RNF212: variants seen among roughly 807,000 people sequenced by gnomAD.
RNF212 encodes the protein probable E3 SUMO-protein ligase RNF212.
A neutral mutation model predicts 34.7 loss-of-function variants in RNF212; 33 were observed. The ratio of observed to expected loss-of-function variants is 0.95; its 90% CI spans 0.72 to 1.27. The LOEUF is 1.27. Ranked by LOEUF, RNF212 falls within the 50% of genes most tolerant of loss-of-function variation. RNF212 has a pLI of 0.00. For missense variants in RNF212, 377 were observed against 362.2 expected (o/e 1.04, Z -0.33); for synonymous variants, 140 against 136.1 (o/e 1.03, Z -0.20).
chr4:1,098,079 C>CA (rs1412861530), intron 2 of RNF212, among the ~76,000 whole-genome samples: 1 of 151,984 alleles, frequency 6.6e-6, no homozygotes, highest in Non-Finnish European at 1.5e-5. Context: ...AACAAACAAA[C>CA]AAAAAATCCA....
rs750041377 is a variant in RNF212, at chr4:1,090,848, T to A, written c.247-10A>T. 1 of 1,569,256 alleles carries A rather than the reference T, an allele frequency of 6.4e-7. No individual in the cohort carries two copies. The highest frequency in any genetic ancestry group is 8.8e-7 in the Non-Finnish European group (1 of 1,140,298). ...CTTGAAATTCTAAAATCTGAAAAGA[T>A]CATAGGTTTCAGCTGCTGACACAGA... is the stretch of plus-strand genomic sequence containing the variant. On this transcript the variant is annotated splice_polypyrimidine_tract_variant and intron_variant, in intron 3 of 9. Transcript: ENST00000433731.
At chr4:1,077,624 C>T (rs1050554129) in intron 8 of RNF212, among the ~76,000 whole-genome samples, 1 of 152,242 alleles carries the variant, frequency 6.6e-6, no homozygotes, top group African/African-American at 2.4e-5. Flanking sequence ...AGTTCTTCCT[C>T]CTTAAGCTGT....
intron 2 of RNF212, among the ~76,000 whole-genome samples, chr4:1,102,782 G>A (rs1374220313): frequency 6.6e-6 from 1 of 151,940 alleles, no homozygotes; most frequent in African/African-American, 2.4e-5. Context: ...AACCCGGGAG[G>A]TGGAGCTTGC....
intron 4 of RNF212, among the ~76,000 whole-genome samples, chr4:1,087,685 T>G (rs1475739223): frequency 6.6e-6 from 1 of 150,804 alleles, no homozygotes; most frequent in Non-Finnish European, 1.5e-5. Flanking sequence ...CACCCAAGTC[T>G]CATCTCAAAT....
chr4:1,074,195 C>T (rs373524851), intron 8 of RNF212, among the ~76,000 whole-genome samples: 1 of 152,178 alleles, frequency 6.6e-6, no homozygotes, highest in African/African-American at 2.4e-5. Context: ...GAGCTGCCAG[C>T]GCAGGTTCTG....
intron 4 of RNF212, among the ~76,000 whole-genome samples, chr4:1,088,364 T>A (rs546738681): frequency 1.3e-5 from 2 of 152,214 alleles, no homozygotes; most frequent in Non-Finnish European, 2.9e-5. Context: ...ATTTAGGGCA[T>A]CTGGCAGAAG....
chr4:1,103,260 C>A (rs964439237), intron 2 of RNF212, among the ~76,000 whole-genome samples: 3 of 152,142 alleles, frequency 2.0e-5, no homozygotes, highest in Non-Finnish European at 4.4e-5. Flanking sequence ...AGTTTAAAAT[C>A]TTTGCACAAA....
intron 8 of RNF212, among the ~76,000 whole-genome samples, chr4:1,076,514 G>A (rs1053717963): frequency 6.6e-6 from 1 of 152,182 alleles, no homozygotes; most frequent in Admixed American, 6.5e-5. Context: ...AGAGAGGCCT[G>A]CACACTGCTC....
Position 1,073,165 on chromosome 4 carries a change from GA to G in RNF212, c.602del (p.Phe201SerfsTer5). 2 of 1,614,070 alleles carry G rather than the reference GA, an allele frequency of 1.2e-6. No homozygotes were observed. The highest frequency in any genetic ancestry group is 1.7e-6 in the Non-Finnish European group (2 of 1,179,950). ...MGPHLTASFC[F>X]IPWLTLSKPP... ...GCTTAGACAAGGTCAACCATGGGAT[GA>G]AACAGAAAGAAGCTGTTAGATGTGG... On this transcript the variant is annotated frameshift_variant, in exon 10 of 10. Coordinates refer to ENST00000433731, the MANE Select transcript of RNF212 (RefSeq NM_001131034.4). LOFTEE classifies it low-confidence loss of function (END_TRUNC).
downstream of RNF212, among the ~76,000 whole-genome samples, chr4:1,068,279 G>C (rs748407383): frequency 7.2e-5 from 11 of 152,280 alleles, no homozygotes; most frequent in Non-Finnish European, 1.3e-4. Flanking sequence ...TCATCGACAG[G>C]GTCCGGAAGA....
At chr4:1,100,174 A>G (rs1723741527) in intron 2 of RNF212, 1 of 323,442 alleles carries the variant, frequency 3.1e-6, no homozygotes, top group Admixed American at 4.4e-5. Context: ...GCACGGTTTC[A>G]GAATCGTACC....
At chr4:1,112,163 C>T (rs911021685) in intron 1 of RNF212, among the ~76,000 whole-genome samples, 3 of 152,156 alleles carry the variant, frequency 2.0e-5, no homozygotes, top group African/African-American at 7.2e-5. Context: ...ACCGAGATCC[C>T]GCCACCGAAC....
At chr4:1,108,896 T>C (rs1278716276) in intron 1 of RNF212, among the ~76,000 whole-genome samples, 2 of 152,084 alleles carry the variant, frequency 1.3e-5, no homozygotes, top group African/African-American at 4.8e-5. Context: ...AGACAGGGTC[T>C]CACTATGTTG....
At chr4:1,093,812 T>G in intron 3 of RNF212, 3 of 1,536,252 alleles carry the variant, frequency 2.0e-6, no homozygotes, top group Non-Finnish European at 2.6e-6. Context: ...GTGAGGTGCG[T>G]CCTGGATGGT....
rs371785141 is a variant in RNF212 at position 1,081,434 on chromosome 4, G to A, written c.449C>T (p.Ser150Leu). Residue 150 changes from serine (S) to leucine (L), a missense_variant, in exon 7 of 10, where the codon TCA becomes TTA. By Grantham distance (145) the Ser-to-Leu change is moderately radical. Coordinates refer to ENST00000433731, the MANE Select transcript of RNF212 (RefSeq NM_001131034.4). ...ACCCACACACCTGTCGGGGGCTGAT[G>A]AGTGAGGTGGCAGCAGGCATCCGTG... ...KPHGCLLPPH[S>L]SAPDRLESME... 2 of 1,613,758 alleles carry A rather than the reference G, an allele frequency of 1.2e-6. No individual in the cohort carries two copies. The highest frequency in any genetic ancestry group is 1.7e-6 in the Non-Finnish European group (2 of 1,179,836).
chr4:1,059,396 G>A (rs934763118), intron 3 of RNF212, among the ~76,000 whole-genome samples: 1 of 152,182 alleles, frequency 6.6e-6, no homozygotes, highest in African/African-American at 2.4e-5. Flanking sequence ...TTGTATCACG[G>A]TTTGGCATCT....
chr4:1,094,587 C>T (rs911232073), intron 3 of RNF212, among the ~76,000 whole-genome samples: 1 of 152,030 alleles, frequency 6.6e-6, no homozygotes, highest in Non-Finnish European at 1.5e-5. Context: ...GATGGGGGCC[C>T]ATGGGGCCAA....
intron 4 of RNF212, among the ~76,000 whole-genome samples, chr4:1,057,527 TA>T (rs1717415422): frequency 6.6e-6 from 1 of 152,090 alleles, no homozygotes; most frequent in Admixed American, 6.5e-5. Context: ...TTTTTGTAAA[TA>T]AAGTTTTACT....
rs571525262 is a variant in RNF212, at chr4:1,087,870, C to G, written c.304-1916G>C. Among the ~76,000 whole-genome samples, 4 of 152,108 alleles carry G rather than the reference C, an allele frequency of 2.6e-5. No individual in the cohort carries two copies. The South Asian group carries it at 8.3e-4, about 32-fold the overall frequency. The stretch of plus-strand genomic sequence containing the variant: ...GCTATGTAAGATGTGCCTTGCTCCC[C>G]CTTTGCCTTCTGCCATGATTGTAAG... On this transcript the variant is annotated intron_variant, in intron 4 of 9. Transcript: ENST00000433731.
Sources: allele counts gnomAD v4.1 joint callset (sites outside exome capture counted in the v4.1 genomes callset), GRCh38; gene constraint gnomAD v4.1.1; transcripts MANE v1.5; gene names NCBI Gene and HGNC (gene_info 2026-07-23, HGNC 2026-07-21).